Variants in LRP1B observed in about 807,000 individuals in gnomAD.
LRP1B encodes the protein LDL receptor related protein 1B.
In LRP1B, 217 loss-of-function variants were observed where a neutral mutation model predicts 556.6. That is an observed-to-expected ratio of 0.39 (90% CI 0.35 to 0.44). The LOEUF (loss-of-function observed/expected upper bound fraction) is 0.44. LRP1B is among the 20% of genes least tolerant of loss of function. The pLI is 1.00. For synonymous variants in LRP1B, 2,047 were observed against 1,865.8 expected, an observed-to-expected ratio of 1.10 and a Z score of -2.50; for missense variants, 5,053 against 5,620.8, an observed-to-expected ratio of 0.90 and a Z score of 3.23.
At chr2:140,950,865 GGAA>G (rs1695694260) in intron 19 of LRP1B, among the ~76,000 whole-genome samples, 8 of 149,852 alleles carry the variant, frequency 5.3e-5, no homozygotes, top group Admixed American at 5.3e-4. Context: ...TTGAATCAGT[GGAA>G]CAACATTGCT....
chr2:140,796,053 ATATCTATC>A (rs56889775), intron 32 of LRP1B, among the ~76,000 whole-genome samples: 1 of 151,034 alleles, frequency 6.6e-6, no homozygotes, highest in Admixed American at 6.6e-5. Flanking sequence ...TCCCTGCTCT[ATATCTATC>A]TATCTATCTA....
intron 1 of LRP1B, among the ~76,000 whole-genome samples, chr2:142,083,325 T>A (rs1705790908): frequency 6.6e-6 from 1 of 152,192 alleles, no homozygotes; most frequent in Non-Finnish European, 1.5e-5. Flanking sequence ...CTTTCCTGAT[T>A]TTTCCTCAGC....
chr2:140,950,354 C>A lies in LRP1B; in HGVS notation c.3017G>T (p.Cys1006Phe), dbSNP rs1324970967. 6.2e-7 allele frequency: 1 copy of A among 1,612,596 alleles called. No individual in the cohort carries two copies. Residue 1006 changes from cysteine (C) to phenylalanine (F), a missense_variant, in exon 20 of 91, where the codon TGC (cysteine) becomes TTC (phenylalanine). Around this residue, in one of 5 missense-constraint regions of LRP1B, gnomAD observed 3,619 missense variants for 3,931.9 expected, o/e 0.92. Transcript: ENST00000389484. Reference sequence around the variant, plus strand: ...GGAACATCTGAACTGATTATCAAAGCAAGAGTGAACACAGCCCACCTCATC... The same window carrying A: ...GGAACATCTGAACTGATTATCAAAGAAAGAGTGAACACAGCCCACCTCATC... Reference protein sequence around the residue: ...GSDEVGCVHSCFDNQFRCSSG... With the variant: ...GSDEVGCVHSFFDNQFRCSSG...
intron 3 of LRP1B, among the ~76,000 whole-genome samples, chr2:141,458,066 G>GT (rs1052426259): frequency 6.6e-6 from 1 of 152,004 alleles, no homozygotes; most frequent in Admixed American, 6.6e-5. Context: ...GTTTTGTTTT[G>GT]TTTTTTTCTT....
intron 2 of LRP1B, among the ~76,000 whole-genome samples, chr2:141,581,792 C>T (rs1483003307): frequency 6.6e-6 from 1 of 152,156 alleles, no homozygotes; most frequent in African/African-American, 2.4e-5. Context: ...ACATTCCAAA[C>T]ATTTGTGTCC....
intron 3 of LRP1B, among the ~76,000 whole-genome samples, chr2:141,391,920 C>T (rs973168456): frequency 6.6e-6 from 1 of 152,160 alleles, no homozygotes; most frequent in East Asian, 1.9e-4. Context: ...AATTTTACCC[C>T]TATGATGTAC....
chr2:142,100,866 C>CCA (rs1241905922), intron 1 of LRP1B, among the ~76,000 whole-genome samples: 2 of 151,960 alleles, frequency 1.3e-5, no homozygotes, highest in East Asian at 3.9e-4. Flanking sequence ...CTCCTTGTCC[C>CCA]CACACACGTT....
At chr2:141,442,967 T>C (rs1448122758) in intron 3 of LRP1B, among the ~76,000 whole-genome samples, 1 of 152,246 alleles carries the variant, frequency 6.6e-6, no homozygotes, top group East Asian at 1.9e-4. Flanking sequence ...CTGGGTCAAA[T>C]GGTATTTCTG....
In LRP1B at chr2:141,329,655, A is replaced by AAAAACAAAACAAAAC. The variant is rs1553497026; in HGVS notation, c.344-75015_344-75014insGTTTTGTTTTGTTTT. Among the ~76,000 whole-genome samples the AAAAACAAAACAAAAC allele has an allele frequency of 7.0e-3, 973 of 138,060 alleles. 25 individuals are homozygous for AAAAACAAAACAAAAC. Among genetic ancestry groups the AAAAACAAAACAAAAC allele is most frequent in the South Asian group, 0.018 (82 of 4,542 alleles). The allele number at this position is 138,060 out of a possible 152,430, so 90.6% of individuals were successfully genotyped here. A position where few individuals can be genotyped will look rare whatever the true frequency, so the allele number is the denominator to read the frequency against. On this transcript the variant is annotated intron_variant, in intron 3 of 90. Transcript: ENST00000389484. Reference sequence around the variant, plus strand: ...CGAGACTCTGTCTCAAAAAAAAAAAAAAAAAAAAAACTATCTCTCTCTCTA... The same window carrying AAAAACAAAACAAAAC: ...CGAGACTCTGTCTCAAAAAAAAAAAAAAAACAAAACAAAACAAAAAAAAAACTATCTCTCTCTCTA...
intron 60 of LRP1B, among the ~76,000 whole-genome samples, chr2:140,467,269 G>T (rs1467663464): frequency 6.6e-6 from 1 of 151,932 alleles, no homozygotes; most frequent in Admixed American, 6.6e-5. Flanking sequence ...CTTAACGTTG[G>T]TGTCTCCCCA....
At chr2:141,944,795 C>T (rs1403399638) in intron 1 of LRP1B, among the ~76,000 whole-genome samples, 2 of 152,072 alleles carry the variant, frequency 1.3e-5, no homozygotes, top group African/African-American at 4.8e-5. Flanking sequence ...GTAGTGGCAT[C>T]TTTGTGGTTT....
chr2:141,229,691 T>C (rs1469761356), intron 5 of LRP1B, among the ~76,000 whole-genome samples: 1 of 152,224 alleles, frequency 6.6e-6, no homozygotes, highest in Non-Finnish European at 1.5e-5. Flanking sequence ...TGTGAGGACA[T>C]GTCATTTACT....
intron 3 of LRP1B, among the ~76,000 whole-genome samples, chr2:141,294,246 A>G (rs559242322): frequency 1.3e-5 from 2 of 152,316 alleles, no homozygotes; most frequent in African/African-American, 4.8e-5. Context: ...TGCATGTTAA[A>G]TGATCACAGA....
At chr2:142,060,961 A>G (rs1574643849) in intron 1 of LRP1B, among the ~76,000 whole-genome samples, 1 of 151,948 alleles carries the variant, frequency 6.6e-6, no homozygotes, top group Non-Finnish European at 1.5e-5. Flanking sequence ...GCTGTCCTAG[A>G]GTAAGCTTTT....
At chr2:141,540,771 T>A (rs1276019897) in intron 2 of LRP1B, among the ~76,000 whole-genome samples, 1 of 152,066 alleles carries the variant, frequency 6.6e-6, no homozygotes, top group African/African-American at 2.4e-5. Context: ...TATAGTTACC[T>A]GGATTCCTTA....
intron 6 of LRP1B, among the ~76,000 whole-genome samples, chr2:141,211,794 C>T (rs1171705551): frequency 8.5e-5 from 13 of 152,114 alleles, no homozygotes; most frequent in Admixed American, 8.5e-4. Flanking sequence ...GAAGGGAATT[C>T]TGAAAATTCT....
chr2:140,789,576 TATACCAGCTGAGGC>T (rs1015414139), intron 32 of LRP1B, among the ~76,000 whole-genome samples: 96 of 150,238 alleles, frequency 6.4e-4, no homozygotes, highest in Middle Eastern at 3.4e-3. Context: ...TCACTCTAGC[TATACCAGCTGAGGC>T]ATGCCAAGCA....
chr2:140,928,945 G>A (rs1206019535), intron 20 of LRP1B, among the ~76,000 whole-genome samples: 1 of 152,028 alleles, frequency 6.6e-6, no homozygotes, highest in Non-Finnish European at 1.5e-5. Context: ...GGTAGGTAGG[G>A]GTGACTCTTG....
intron 16 of LRP1B, 49 bp downstream of exon 16, chr2:140,993,946 C>G (rs2105358519): frequency 6.3e-7 from 1 of 1,591,800 alleles, no homozygotes; most frequent in Non-Finnish European, 8.6e-7. Flanking sequence ...TTCACACACT[C>G]AAAGACTCAG....
Sources: allele counts gnomAD v4.1 joint callset (sites outside exome capture counted in the v4.1 genomes callset), GRCh38; gene constraint gnomAD v4.1.1; regional missense constraint gnomAD v4.1.1; transcripts MANE v1.5; gene names NCBI Gene and HGNC (gene_info 2026-07-23, HGNC 2026-07-21).